Variants in IL12RB2 observed in about 807,000 individuals in gnomAD.
IL12RB2 encodes interleukin-12 receptor subunit beta-2.
IL12RB2 carries 82 observed loss-of-function variants against 89.4 expected under a neutral mutation model. The ratio of observed to expected loss-of-function variants is 0.92; its 90% CI spans 0.77 to 1.10. IL12RB2 has a LOEUF of 1.10. IL12RB2 is among the 50% of genes least tolerant of loss of function. The pLI is 0.00. For missense variants in IL12RB2, 963 were observed against 1,031.9 expected (o/e 0.93, Z 0.92); for synonymous variants, 368 against 370.1 (o/e 0.99, Z 0.07).
In IL12RB2 at chr1:67,397,258, T is replaced by C. The variant is rs1399683532; in HGVS notation, c.*1169T>C. Among the ~76,000 whole-genome samples, 2 of 152,200 alleles carry C rather than the reference T, an allele frequency of 1.3e-5. No homozygotes were observed. The highest frequency in any genetic ancestry group is 2.1e-4 in the South Asian group (1 of 4,830). On this transcript the variant is annotated 3_prime_UTR_variant, in exon 17 of 17. Transcript: ENST00000674203. The stretch of plus-strand genomic sequence containing the variant: ...GAAGACCTATATTGTAAACTCACCA[T>C]AGTACCATAGTACCTTGGGCAACCC...
chr1:67,329,653 T>C lies in IL12RB2; in HGVS notation c.731T>C (p.Leu244Pro). The change falls in exon 7 of 17, where the codon CTT becomes CCT. Residue 244 changes from leucine to proline, a missense_variant. Coordinates refer to ENST00000674203, the MANE Select transcript of IL12RB2 (RefSeq NM_001374259.2). ...FQKASVSRCT[L>P]YWRDEGLVLL... ...AAGGCTTCTGTGAGCAGATGTACCC[T>C]TTATTGGAGAGATGAGGGACTGGTA... is the stretch of plus-strand genomic sequence containing the variant. 1 of 1,580,716 alleles carries C rather than the reference T, an allele frequency of 6.3e-7. No homozygotes were observed. The highest frequency in any genetic ancestry group is 8.7e-7 in the Non-Finnish European group (1 of 1,149,438).
chr1:67,390,213 T>C (rs1665656084), intron 16 of IL12RB2, 85 bp downstream of exon 16: 1 of 788,672 alleles, frequency 1.3e-6, no homozygotes, highest in African/African-American at 1.7e-5. Context: ...CGAGGAAGCC[T>C]GGGTGCTGAG....
chr1:67,317,554 G>A (rs147455816), intron 2 of IL12RB2, among the ~76,000 whole-genome samples: 140 of 152,156 alleles, frequency 9.2e-4, no homozygotes, highest in African/African-American at 3.3e-3. Flanking sequence ...GGGCCCACTT[G>A]GTTAATCCAG....
chr1:67,340,387 T>G (rs552916536), intron 9 of IL12RB2, among the ~76,000 whole-genome samples: 18 of 152,358 alleles, frequency 1.2e-4, no homozygotes, highest in African/African-American at 4.1e-4. Flanking sequence ...AGTGACTGGT[T>G]AAAACCAAAA....
chr1:67,395,490 A>G (rs933208690), intron 16 of IL12RB2, 57 bp from the exon 17 acceptor site: 1 of 1,613,724 alleles, frequency 6.2e-7, no homozygotes, highest in Non-Finnish European at 8.5e-7. Flanking sequence ...CTGGAGAAAT[A>G]GGTTGTGAAG....
In IL12RB2 at chr1:67,380,095, C is replaced by G; in HGVS notation, c.1827C>G (p.His609Gln). ...TGACAGCTGCTGGTGAAAGTTCCCA[C>G]GGAAATGAGAGGGAATTTTGTCTGC... ...TALTAAGESS[H>Q]GNEREFCLQG... Residue 609 changes from histidine to glutamine, a missense_variant, in exon 14 of 17, where the codon CAC becomes CAG. Transcript: ENST00000674203. The G allele has an allele frequency of 6.2e-7, 1 of 1,614,120 alleles. No homozygotes were observed. Among genetic ancestry groups the G allele is most frequent in the Admixed American group, 1.7e-5 (1 of 60,018 alleles).
chr1:67,378,763 T>C (rs1664237552), intron 13 of IL12RB2, among the ~76,000 whole-genome samples: 1 of 150,280 alleles, frequency 6.7e-6, no homozygotes, highest in Admixed American at 6.7e-5. Flanking sequence ...GGCTGAAGAA[T>C]TGCTTGAATT....
intron 15 of IL12RB2, among the ~76,000 whole-genome samples, chr1:67,387,109 T>C (rs181701350): frequency 4.0e-5 from 6 of 151,010 alleles, no homozygotes; most frequent in African/African-American, 1.5e-4. Context: ...TTGTATTTTT[T>C]ATTAGAGACA....
At chr1:67,345,690 C>CT (rs1313665157) in intron 9 of IL12RB2, among the ~76,000 whole-genome samples, 2 of 152,338 alleles carry the variant, frequency 1.3e-5, no homozygotes, top group South Asian at 2.1e-4. Flanking sequence ...ATATTCAACT[C>CT]TATCTCCCCC....
Position 67,398,477 on chromosome 1 carries a change from A to G in IL12RB2, c.*2388A>G, listed in dbSNP as rs551965434. ...TTTCTTTCCCTTAAAGTCTCATATG[A>G]TACTGCAGTCCTCATTTGTCTTCCC... is the stretch of plus-strand genomic sequence containing the variant. On this transcript the variant is annotated 3_prime_UTR_variant, in exon 17 of 17. Coordinates refer to ENST00000674203, the MANE Select transcript of IL12RB2 (RefSeq NM_001374259.2). Among the ~76,000 whole-genome samples the G allele has an allele frequency of 1.3e-4, 19 of 149,180 alleles. No individual in the cohort carries two copies. The South Asian group carries it at 2.7e-3, about 22-fold the overall frequency.
rs371478192 is a variant in IL12RB2 at position 67,329,321 on chromosome 1, AACTT to A, written c.665-263_665-260del. ...AAACCACTGGACTAAGTGTAGTTGA[AACTT>A]ACCACTAATGTTGGTAGTAGTTATT... is the stretch of plus-strand genomic sequence containing the variant. On this transcript the variant is annotated intron_variant, in intron 6 of 16. Coordinates refer to ENST00000674203, the MANE Select transcript of IL12RB2 (RefSeq NM_001374259.2). Among the ~76,000 whole-genome samples, 126 of 152,322 alleles carry A rather than the reference AACTT, an allele frequency of 8.3e-4. 2 individuals carry two copies. The South Asian group carries it at 0.017, about 21-fold the overall frequency.
intron 15 of IL12RB2, among the ~76,000 whole-genome samples, chr1:67,388,021 T>C (rs1665409679): frequency 6.6e-6 from 1 of 151,888 alleles, no homozygotes; most frequent in African/African-American, 2.4e-5. Context: ...CTACTGAAAA[T>C]ACAAAAATTA....
intron 9 of IL12RB2, among the ~76,000 whole-genome samples, chr1:67,346,405 TC>T (rs1660243526): frequency 4.7e-5 from 6 of 127,960 alleles, no homozygotes; most frequent in African/African-American, 1.6e-4. Flanking sequence ...TTTTTTTTTT[TC>T]GACAGGTTCT....
At chr1:67,380,455 C>G (rs1664455389) in intron 14 of IL12RB2, among the ~76,000 whole-genome samples, 1 of 152,218 alleles carries the variant, frequency 6.6e-6, no homozygotes, top group Non-Finnish European at 1.5e-5. Context: ...TTACCTCTGT[C>G]TTCAAGGCCT....
intron 13 of IL12RB2, among the ~76,000 whole-genome samples, chr1:67,379,355 C>T (rs552036287): frequency 4.6e-5 from 7 of 150,732 alleles, no homozygotes; most frequent in Admixed American, 4.6e-4. Context: ...ACTAAAAATA[C>T]AAAAATTAGC....
intron 16 of IL12RB2, among the ~76,000 whole-genome samples, chr1:67,391,461 T>TAA (rs1470364606): frequency 4.1e-5 from 6 of 147,684 alleles, no homozygotes; most frequent in Non-Finnish European, 8.9e-5. Flanking sequence ...TTTATATATA[T>TAA]AATATACAGG....
At position 67,395,970 on chromosome 1, in the gene IL12RB2, C is replaced by G; in HGVS notation, c.2470C>G (p.Pro824Ala). Residue 824 changes from proline (P) to alanine (A), a missense_variant, in exon 17 of 17, where the codon CCT becomes GCT. Transcript: ENST00000674203. ...CGCTGACTCTCTGGAAGAACTGGAGCCTCAGCACATCTCCCTTTCTGTTTT... is the reference window on the plus strand; with the variant it reads ...CGCTGACTCTCTGGAAGAACTGGAGGCTCAGCACATCTCCCTTTCTGTTTT... ...PLADSLEELEPQHISLSVFPS... is the reference protein window; with the variant it reads ...PLADSLEELEAQHISLSVFPS... 6.2e-7 allele frequency: 1 copy of G among 1,605,752 alleles called. No individual in the cohort carries two copies. Among genetic ancestry groups the G allele is most frequent in the African/African-American group, 1.3e-5 (1 of 74,886 alleles).
At chr1:67,349,349 G>C (rs1660576883) in intron 9 of IL12RB2, among the ~76,000 whole-genome samples, 1 of 152,158 alleles carries the variant, frequency 6.6e-6, no homozygotes, top group South Asian at 2.1e-4. Flanking sequence ...CCTATCTCTG[G>C]ACTTGCAGAA....
At chr1:67,320,921 A>T (rs888364705) in intron 3 of IL12RB2, among the ~76,000 whole-genome samples, 3 of 62,692 alleles carry the variant, frequency 4.8e-5, no homozygotes, top group African/African-American at 1.3e-4. Context: ...CTGGTTCGTG[A>T]TGCCCACCCC....
Sources: allele counts gnomAD v4.1 joint callset (sites outside exome capture counted in the v4.1 genomes callset), GRCh38; gene constraint gnomAD v4.1.1; transcripts MANE v1.5; gene names NCBI Gene and HGNC (gene_info 2026-07-23, HGNC 2026-07-21).